The following SLC15A4 variants were observed in gnomAD, a reference collection of about 807,000 sequenced individuals.
The protein encoded by SLC15A4 is solute carrier family 15 member 4.
SLC15A4 carries 26 observed loss-of-function variants against 46.1 expected under a neutral mutation model. The ratio of observed to expected loss-of-function variants is 0.56; its 90% CI spans 0.41 to 0.78. The LOEUF (loss-of-function observed/expected upper bound fraction) is 0.78. SLC15A4 is among the 30% of genes least tolerant of loss of function. The probability of loss-of-function intolerance (pLI) is 0.00; values close to 1 mark genes in which losing one functional copy is unlikely to be tolerated. For synonymous variants in SLC15A4, 370 were observed against 333.4 expected, an observed-to-expected ratio of 1.11 and a Z score of -1.20; for missense variants, 751 against 755.7, an observed-to-expected ratio of 0.99 and a Z score of 0.07.
rs1466913348 is a variant in SLC15A4 at position 128,809,970 on chromosome 12, C to A, written c.984G>T (p.Leu328Phe). 6.2e-7 allele frequency: 1 copy of A among 1,613,960 alleles called. No individual in the cohort carries two copies. The highest frequency in any genetic ancestry group is 8.5e-7 in the Non-Finnish European group (1 of 1,180,026). The change falls in exon 3 of 8, where the codon TTG (leucine) becomes TTT (phenylalanine). Residue 328 changes from leucine (L) to phenylalanine (F), a missense_variant. Leu to Phe is a conservative substitution (Grantham distance 22). Transcript: ENST00000266771. ...LVKIVPVFLA[L>F]IPYWTVYFQM... The stretch of plus-strand genomic sequence containing the variant: ...GGAAATACACTGTCCAGTAAGGTAT[C>A]AAAGCCAAGAAAACAGGGACAATCT...
chr12:128,818,404 T>C (rs914758526), intron 1 of SLC15A4, among the ~76,000 whole-genome samples: 1 of 152,120 alleles, frequency 6.6e-6, no homozygotes, highest in African/African-American at 2.4e-5. Context: ...AAAAAGCACC[T>C]TAAAAATACA....
intron 1 of SLC15A4, among the ~76,000 whole-genome samples, chr12:128,816,727 G>C (rs1005737023): frequency 1.6e-4 from 24 of 152,132 alleles, no homozygotes; most frequent in African/African-American, 5.8e-4. Context: ...AGCTACCTGC[G>C]AGACTGAGGT....
At position 128,808,716 on chromosome 12, in the gene SLC15A4, G is replaced by T. The variant is rs1198849428; in HGVS notation, c.1258+72C>A. The T allele has an allele frequency of 3.3e-6, 5 of 1,516,774 alleles. No homozygotes were observed. In the African/African-American group the frequency reaches 6.9e-5, roughly 21 times the overall value. The allele number at this position is 1,516,774 out of a possible 1,614,324, so 94.0% of individuals were successfully genotyped here. On this transcript the variant is annotated intron_variant, in intron 5 of 7. Transcript: ENST00000266771. ...TGAACAACCTGGGGCACGACTGCGT[G>T]TGAGCACTATATTCTGAATCCACAA...
At chr12:128,822,844 A>T (rs529286883) in intron 1 of SLC15A4, among the ~76,000 whole-genome samples, 1 of 143,790 alleles carries the variant, frequency 7.0e-6, no homozygotes, top group Non-Finnish European at 1.5e-5. Flanking sequence ...CGTATTTTTT[A>T]AATTTTATTT....
chr12:128,794,531 A>C (rs777905257), intron 7 of SLC15A4, among the ~76,000 whole-genome samples, 175 bp from the exon 8 acceptor site: 9 of 152,184 alleles, frequency 5.9e-5, no homozygotes, highest in Non-Finnish European at 7.4e-5. Context: ...ACCACTGAAG[A>C]AGCTCCCTGA....
At chr12:128,804,934 G>A (rs1018477463) in intron 5 of SLC15A4, among the ~76,000 whole-genome samples, 4 of 152,106 alleles carry the variant, frequency 2.6e-5, no homozygotes, top group Admixed American at 1.3e-4. Context: ...AAAAACAACC[G>A]CAGACGAAGG....
At chr12:128,809,516 C>T in intron 3 of SLC15A4, 43 bp from the exon 4 acceptor site, 1 of 1,246,830 alleles carries the variant, frequency 8.0e-7, no homozygotes, top group Non-Finnish European at 1.2e-6. Context: ...ACCAACTGTG[C>T]TCTCAAACAC....
intron 1 of SLC15A4, among the ~76,000 whole-genome samples, chr12:128,817,114 GA>G (rs1254494230): frequency 6.6e-6 from 1 of 152,168 alleles, no homozygotes; most frequent in African/African-American, 2.4e-5. Flanking sequence ...AAATTTAAAA[GA>G]AAATCACTTA....
In SLC15A4 at chr12:128,823,428, C is replaced by T. The variant is rs1359046902; in HGVS notation, c.516G>A (p.Lys172=). ...CGGCGCCGAAGGGCGTGATGTTGGC[C>T]TTGACGGTGGCCACGCCCAGGCCCA... is the stretch of plus-strand genomic sequence containing the variant. ...VLVGLGVATV[K]ANITPFGADQ... The change falls in exon 1 of 8, where the codon AAG becomes AAA. Residue 172 remains lysine, a synonymous_variant. Coordinates refer to ENST00000266771, the MANE Select transcript of SLC15A4 (RefSeq NM_145648.4). 5 of 1,460,218 alleles carry T rather than the reference C, an allele frequency of 3.4e-6. No individual in the cohort carries two copies. In the East Asian group the frequency reaches 1.4e-4, roughly 42 times the overall value. 90.5% of individuals were successfully genotyped at this position (1,460,218 alleles called of 1,614,324 possible).
intron 1 of SLC15A4, among the ~76,000 whole-genome samples, chr12:128,816,623 G>C (rs1593015797): frequency 6.6e-6 from 1 of 152,188 alleles, no homozygotes; most frequent in East Asian, 1.9e-4. Context: ...TTGGGTCTAG[G>C]AGTTTGAGAG....
At chr12:128,801,778 C>T (rs1364756141) in intron 5 of SLC15A4, 1 of 152,150 alleles carries the variant, frequency 6.6e-6, no homozygotes, top group Non-Finnish European at 1.5e-5. Context: ...ATAAAGAATT[C>T]TTATTGCAAA....
chr12:128,805,155 C>A (rs1289430997), intron 5 of SLC15A4, among the ~76,000 whole-genome samples: 2 of 151,928 alleles, frequency 1.3e-5, no homozygotes, highest in Non-Finnish European at 2.9e-5. Context: ...ATACCCCCCC[C>A]AAAAAAATCC....
intron 5 of SLC15A4, among the ~76,000 whole-genome samples, chr12:128,805,284 A>G (rs1015175501): frequency 5.3e-5 from 8 of 152,170 alleles, no homozygotes; most frequent in African/African-American, 1.9e-4. Flanking sequence ...CAAGGATGAG[A>G]CTAACGTTGA....
At chr12:128,799,495 G>A (rs966370988) in intron 6 of SLC15A4, 78 bp from the exon 7 acceptor site, 5 of 1,509,326 alleles carry the variant, frequency 3.3e-6, no homozygotes, top group Non-Finnish European at 4.5e-6. Flanking sequence ...ACCTAATATA[G>A]CAGAGGAAGC....
intron 1 of SLC15A4, among the ~76,000 whole-genome samples, chr12:128,816,610 C>A (rs948618755): frequency 6.6e-6 from 1 of 152,132 alleles, no homozygotes; most frequent in African/African-American, 2.4e-5. Context: ...GCAGGCAGAC[C>A]GCTTGGGTCT....
intron 1 of SLC15A4, among the ~76,000 whole-genome samples, chr12:128,817,803 A>C (rs183472744): frequency 3.3e-4 from 51 of 152,306 alleles, no homozygotes; most frequent in African/African-American, 1.2e-3. Flanking sequence ...GCATTTCTGT[A>C]CCAAGGGAAC....
chr12:128,821,794 G>A (rs1169595121), intron 1 of SLC15A4, among the ~76,000 whole-genome samples: 2 of 151,582 alleles, frequency 1.3e-5, no homozygotes, highest in African/African-American at 2.4e-5. Flanking sequence ...GCCGAGGCAG[G>A]AGAATCGCTT....
chr12:128,801,939 A>C (rs970033742), intron 5 of SLC15A4, among the ~76,000 whole-genome samples: 1 of 152,228 alleles, frequency 6.6e-6, no homozygotes, highest in Non-Finnish European at 1.5e-5. Flanking sequence ...CCAGGATATG[A>C]TCCATAGGGC....
At chr12:128,799,124 T>C in intron 7 of SLC15A4, 135 bp downstream of exon 7, 1 of 883,658 alleles carries the variant, frequency 1.1e-6, no homozygotes, top group Non-Finnish European at 1.8e-6. Flanking sequence ...AGCAGTGCTG[T>C]GGAAGGAGCG....
Sources: gnomAD v4.1 joint callset for allele counts (sites outside exome capture counted in the v4.1 genomes callset) on GRCh38, gnomAD v4.1.1 for gene constraint, MANE v1.5 for transcripts, NCBI Gene and HGNC (gene_info 2026-07-23, HGNC 2026-07-21) for gene names.